F13A1: variants seen among roughly 807,000 people sequenced by gnomAD.
F13A1 encodes the protein FSF, A subunit.
Under a neutral mutation model 80.1 loss-of-function variants are expected in F13A1, and 47 were observed. That is an observed-to-expected ratio of 0.59 (90% CI 0.46 to 0.75). The LOEUF (loss-of-function observed/expected upper bound fraction) is 0.75. Among genes scored for constraint, F13A1 ranks in the 30% least tolerant of loss-of-function variants. The probability of loss-of-function intolerance (pLI) is 0.00; values close to 1 mark genes in which losing one functional copy is unlikely to be tolerated. For missense variants in F13A1, 817 were observed against 930.4 expected, an observed-to-expected ratio of 0.88 and a Z score of 1.59; for synonymous variants, 349 against 344.9, an observed-to-expected ratio of 1.01 and a Z score of -0.13.
At chr6:6,236,140 G>A (rs1009107079) in intron 6 of F13A1, among the ~76,000 whole-genome samples, 8 of 152,234 alleles carry the variant, frequency 5.3e-5, no homozygotes, top group African/African-American at 1.9e-4. Flanking sequence ...ATGGGGGATG[G>A]TACACAAAGC....
chr6:6,232,923 C>T (rs916221959), intron 6 of F13A1, among the ~76,000 whole-genome samples: 4 of 152,016 alleles, frequency 2.6e-5, no homozygotes, highest in African/African-American at 9.7e-5. Flanking sequence ...AATGACACAA[C>T]TTATCAAAGC....
intron 1 of F13A1, among the ~76,000 whole-genome samples, chr6:6,319,560 CAAATGAAG>C (rs1001273744): frequency 1.3e-5 from 2 of 152,168 alleles, no homozygotes; most frequent in African/African-American, 4.8e-5. Flanking sequence ...ACCAAATGAC[CAAATGAAG>C]GGGGACTTTG....
At chr6:6,161,381 GTGGGCCA>G (rs1158503951) in intron 13 of F13A1, among the ~76,000 whole-genome samples, 4 of 152,110 alleles carry the variant, frequency 2.6e-5, no homozygotes, top group African/African-American at 4.8e-5. Context: ...AGGTCTGGAC[GTGGGCCA>G]TGCATTCTCA....
chr6:6,258,665 C>T (rs114046819), intron 4 of F13A1, among the ~76,000 whole-genome samples: 2,088 of 152,230 alleles, frequency 0.014, 22 homozygotes, highest in Non-Finnish European at 0.023. Flanking sequence ...AAATGATCCT[C>T]GCTTGGCATA....
chr6:6,249,891 G>A (rs1757606909), intron 5 of F13A1, among the ~76,000 whole-genome samples: 1 of 152,130 alleles, frequency 6.6e-6, no homozygotes, highest in Admixed American at 6.6e-5. Context: ...CCTGAGCACT[G>A]GGCATGTAAT....
In F13A1 at chr6:6,318,697, A is replaced by AG. The variant is rs1758725484; in HGVS notation, c.-18-16_-18-15insC. ...TTTACAAGGTCCTTCAGAAAAAAAAAAAAAAGAAGACAACAGAAAAGGCAT... is the reference window on the plus strand; with the variant it reads ...TTTACAAGGTCCTTCAGAAAAAAAAAGAAAAAGAAGACAACAGAAAAGGCAT... On this transcript the variant is annotated splice_polypyrimidine_tract_variant and intron_variant, in intron 1 of 14. Transcript: ENST00000264870. 1 of 1,604,274 alleles carries AG rather than the reference A, an allele frequency of 6.2e-7. No individual in the cohort carries two copies. The highest frequency in any genetic ancestry group is 2.2e-5 in the East Asian group (1 of 44,864).
Position 6,220,023 on chromosome 6 carries a change from G to A in F13A1, c.1112+2010C>T, listed in dbSNP as rs1338894122. On this transcript the variant is annotated intron_variant, in intron 8 of 14. Transcript: ENST00000264870. ...GAGAAAAGAGGCACAGAGAGGTTGT[G>A]CCTTGCCCAAAGTCACACAGCTTGG... Among the ~76,000 whole-genome samples the A allele has an allele frequency of 1.3e-5, 2 of 152,196 alleles. 1 individual carries two copies. Among genetic ancestry groups the A allele is most frequent in the African/African-American group, 4.8e-5 (2 of 41,442 alleles).
At chr6:6,270,817 A>G (rs1348844317) in intron 3 of F13A1, among the ~76,000 whole-genome samples, 2 of 152,216 alleles carry the variant, frequency 1.3e-5, no homozygotes, top group Non-Finnish European at 2.9e-5. Flanking sequence ...GACATTGAGA[A>G]AATATGCTGC....
At chr6:6,182,795 A>G (rs1761012988) in intron 10 of F13A1, among the ~76,000 whole-genome samples, 1 of 152,202 alleles carries the variant, frequency 6.6e-6, no homozygotes, top group East Asian at 1.9e-4. Flanking sequence ...CCGCATCAGG[A>G]CCACCTATTT....
At chr6:6,226,407 C>T (rs187557389) in intron 6 of F13A1, among the ~76,000 whole-genome samples, 12 of 152,068 alleles carry the variant, frequency 7.9e-5, no homozygotes, top group African/African-American at 1.4e-4. Flanking sequence ...TGTGCACATT[C>T]GTTTAGAAGC....
intron 3 of F13A1, among the ~76,000 whole-genome samples, chr6:6,269,070 C>G (rs1393455870): frequency 6.6e-6 from 1 of 151,724 alleles, no homozygotes; most frequent in African/African-American, 2.4e-5. Flanking sequence ...TTTTTGCTCT[C>G]TGGTTCTGAA....
At chr6:6,212,692 G>A (rs551746112) in intron 8 of F13A1, among the ~76,000 whole-genome samples, 8 of 152,332 alleles carry the variant, frequency 5.3e-5, no homozygotes, top group South Asian at 2.1e-4. Context: ...TAACTTTGAC[G>A]AGCTGAGAGA....
At chr6:6,285,316 C>G (rs1235337984) in intron 3 of F13A1, among the ~76,000 whole-genome samples, 3 of 152,224 alleles carry the variant, frequency 2.0e-5, no homozygotes, top group Non-Finnish European at 2.9e-5. Flanking sequence ...TCACAAACTG[C>G]TGGACACAGC....
intron 6 of F13A1, among the ~76,000 whole-genome samples, chr6:6,240,512 T>C (rs1316808726): frequency 6.6e-6 from 1 of 152,128 alleles, no homozygotes; most frequent in African/African-American, 2.4e-5. Flanking sequence ...GTGTGTGAAT[T>C]AGTGGGGCCA....
chr6:6,155,724 A>G (rs1760461622), intron 13 of F13A1, among the ~76,000 whole-genome samples: 1 of 152,186 alleles, frequency 6.6e-6, no homozygotes, highest in Non-Finnish European at 1.5e-5. Context: ...AATGCTGCCA[A>G]CACATAGTGT....
chr6:6,188,192 T>A (rs1761116346), intron 10 of F13A1, among the ~76,000 whole-genome samples: 1 of 152,240 alleles, frequency 6.6e-6, no homozygotes, highest in Non-Finnish European at 1.5e-5. Flanking sequence ...ATTCACTAAT[T>A]TTTTGAAGGG....
At chr6:6,251,139 C>T (rs1164465138) in intron 4 of F13A1, among the ~76,000 whole-genome samples, 1 of 152,188 alleles carries the variant, frequency 6.6e-6, no homozygotes, top group Non-Finnish European at 1.5e-5. Context: ...TAAATGATGA[C>T]ATTTGTTAGC....
intron 14 of F13A1, among the ~76,000 whole-genome samples, chr6:6,146,764 A>G (rs1384042499): frequency 6.6e-6 from 1 of 152,216 alleles, no homozygotes; most frequent in East Asian, 1.9e-4. Context: ...TCTGAGTCCC[A>G]TATTCATACT....
At chr6:6,238,895 T>C (rs1181175950) in intron 6 of F13A1, among the ~76,000 whole-genome samples, 1 of 152,118 alleles carries the variant, frequency 6.6e-6, no homozygotes, top group Non-Finnish European at 1.5e-5. Context: ...GGAACTCTCA[T>C]ATGTTGCTGG....
Sources: allele counts gnomAD v4.1 joint callset (sites outside exome capture counted in the v4.1 genomes callset), GRCh38; gene constraint gnomAD v4.1.1; transcripts MANE v1.5; gene names NCBI Gene and HGNC (gene_info 2026-07-23, HGNC 2026-07-21).